ERBB4: variants seen among roughly 807,000 people sequenced by gnomAD.
The protein encoded by ERBB4 is receptor tyrosine-protein kinase erbB-4.
A neutral mutation model predicts 158.0 loss-of-function variants in ERBB4; 42 were observed. The ratio of observed to expected loss-of-function variants is 0.27; its 90% CI spans 0.21 to 0.34. ERBB4 has a LOEUF of 0.34. Among genes scored for constraint, ERBB4 ranks in the 10% least tolerant of loss-of-function variants. ERBB4 has a pLI of 1.00. For synonymous variants in ERBB4, 583 were observed against 558.7 expected (o/e 1.04, Z -0.61); for missense variants, 1,333 against 1,624.1 (o/e 0.82, Z 3.08).
At chr2:211,737,890 T>A (rs1236489830) in intron 5 of ERBB4, among the ~76,000 whole-genome samples, 1 of 152,126 alleles carries the variant, frequency 6.6e-6, no homozygotes, top group African/African-American at 2.4e-5. Flanking sequence ...TATTATTTTT[T>A]AAAGCTCTAT....
chr2:212,055,204 C>T (rs981893748), intron 2 of ERBB4, among the ~76,000 whole-genome samples: 3 of 152,184 alleles, frequency 2.0e-5, no homozygotes, highest in Non-Finnish European at 2.9e-5. Flanking sequence ...TCATTGCTAG[C>T]ACAGCAGTCT....
intron 1 of ERBB4, among the ~76,000 whole-genome samples, chr2:212,160,518 G>A (rs912999745): frequency 2.0e-5 from 3 of 151,864 alleles, no homozygotes; most frequent in Admixed American, 1.3e-4. Flanking sequence ...CAGTGTGAAT[G>A]AAAACAATGA....
At chr2:211,542,812 C>A (rs997288689) in intron 20 of ERBB4, among the ~76,000 whole-genome samples, 1 of 151,892 alleles carries the variant, frequency 6.6e-6, no homozygotes, top group Non-Finnish European at 1.5e-5. Context: ...GGAGTGATTT[C>A]TTTGGAGTTC....
intron 1 of ERBB4, among the ~76,000 whole-genome samples, chr2:212,506,305 A>G (rs1691192724): frequency 6.7e-6 from 1 of 148,600 alleles, no homozygotes; most frequent in African/African-American, 2.4e-5. Flanking sequence ...AATTAGGCCA[A>G]TTAATAACCA....
chr2:212,126,432 G>A lies in ERBB4; in HGVS notation c.83-1529C>T, dbSNP rs574253086. 2.4e-5 allele frequency among the ~76,000 whole-genome samples: 3 copies of A among 126,634 alleles called. No individual in the cohort carries two copies. In the South Asian group the frequency reaches 7.6e-4, roughly 32 times the overall value. The allele number at this position is 126,634 out of a possible 152,430, so 83.1% of individuals were successfully genotyped here. A position where few individuals can be genotyped will look rare whatever the true frequency, so the allele number is the denominator to read the frequency against. ...CCAAGATCATGCCACTGCACTCCTA[G>A]CCTGAGCAACAGAGTGAGACTCTGT... On this transcript the variant is annotated intron_variant, in intron 1 of 27. Transcript: ENST00000342788.
chr2:212,102,022 C>T (rs547067379), intron 2 of ERBB4, among the ~76,000 whole-genome samples: 2 of 147,026 alleles, frequency 1.4e-5, no homozygotes, highest in African/African-American at 4.9e-5. Flanking sequence ...GTGGGTAGAA[C>T]TCTTTCCCTT....
rs151042332 is a variant in ERBB4, at chr2:211,722,439, G to A, written c.837C>T (p.Phe279=). ...NPTTFQLEHN[F]NAKYTYGAFC... is the part of the protein sequence containing the mutation. ...ATGCTCCATATGTGTACTTTGCATT[G>A]AAATTGTGCTCCAGTTGAAAGGTGG... The change falls in exon 7 of 28, where the codon TTC becomes TTT. Residue 279 remains phenylalanine (F), a synonymous_variant. Transcript: ENST00000342788. The A allele has an allele frequency of 2.0e-4, 323 of 1,613,648 alleles. 1 individual carries two copies. Among genetic ancestry groups the A allele is most frequent in the Non-Finnish European group, 2.2e-4 (260 of 1,179,752 alleles).
At chr2:212,387,678 A>T (rs1294523264) in intron 1 of ERBB4, among the ~76,000 whole-genome samples, 1 of 152,114 alleles carries the variant, frequency 6.6e-6, no homozygotes, top group Non-Finnish European at 1.5e-5. Context: ...TTGGCCTCCC[A>T]AAGTGCTGGG....
At chr2:212,077,220 T>C (rs980831273) in intron 2 of ERBB4, among the ~76,000 whole-genome samples, 1 of 151,968 alleles carries the variant, frequency 6.6e-6, no homozygotes, top group Non-Finnish European at 1.5e-5. Flanking sequence ...GGGGCAAAAT[T>C]ATCATTATCT....
At chr2:212,301,248 T>G (rs1169208476) in intron 1 of ERBB4, among the ~76,000 whole-genome samples, 5 of 151,336 alleles carry the variant, frequency 3.3e-5, no homozygotes, top group African/African-American at 1.2e-4. Flanking sequence ...TCCCCAGATA[T>G]TATATTATCG....
At chr2:211,657,442 G>A (rs2071258531) in intron 16 of ERBB4, among the ~76,000 whole-genome samples, 1 of 151,624 alleles carries the variant, frequency 6.6e-6, no homozygotes, top group East Asian at 1.9e-4. Context: ...CCAGGAGGTG[G>A]AGGTTGCAGT....
At chr2:211,787,921 G>T in intron 4 of ERBB4, 104 bp downstream of exon 4, 1 of 1,100,040 alleles carries the variant, frequency 9.1e-7, no homozygotes, top group Non-Finnish European at 1.4e-6. Context: ...TTCAATGAAT[G>T]CAATCAAAGT....
At chr2:211,629,188 T>C (rs1369287433) in intron 17 of ERBB4, among the ~76,000 whole-genome samples, 1 of 152,166 alleles carries the variant, frequency 6.6e-6, no homozygotes, top group African/African-American at 2.4e-5. Context: ...GATAGGCAAC[T>C]TCAGCAAAGT....
intron 3 of ERBB4, among the ~76,000 whole-genome samples, chr2:211,810,639 T>TGG (rs1398897644): frequency 6.6e-6 from 1 of 151,692 alleles, no homozygotes; most frequent in Non-Finnish European, 1.5e-5. Context: ...TCTTGACTCT[T>TGG]TATCCAATTT....
At chr2:211,772,840 T>C (rs868125753) in intron 4 of ERBB4, among the ~76,000 whole-genome samples, 2,045 of 50,630 alleles carry the variant, frequency 0.04, 122 homozygotes, top group South Asian at 0.044. Flanking sequence ...TATATACACA[T>C]ATATATATAT....
In ERBB4 at chr2:211,379,313, C is replaced by T. The variant is rs2062534802; in HGVS notation, c.*4302G>A. Reference sequence around the variant, plus strand: ...AAGACCCTTACTTAGTCATATGTAACATGTTTGCCTATTAAATTCTGCAAG... The same window carrying T: ...AAGACCCTTACTTAGTCATATGTAATATGTTTGCCTATTAAATTCTGCAAG... On this transcript the variant is annotated 3_prime_UTR_variant, in exon 28 of 28. Coordinates refer to ENST00000342788, the MANE Select transcript of ERBB4 (RefSeq NM_005235.3). 2 of 226,318 alleles carry T rather than the reference C, an allele frequency of 8.8e-6. No individual in the cohort carries two copies. The highest frequency in any genetic ancestry group is 6.4e-5 in the East Asian group (1 of 15,712). The allele number at this position is 226,318 out of a possible 1,614,324, so 14.0% of individuals were successfully genotyped here.
intron 27 of ERBB4, among the ~76,000 whole-genome samples, chr2:211,385,128 C>T (rs1190935603): frequency 6.6e-6 from 1 of 151,948 alleles, no homozygotes; most frequent in Non-Finnish European, 1.5e-5. Context: ...ATCCTTAGCC[C>T]AATAAGTAGA....
At chr2:211,480,384 C>T (rs879677126) in intron 20 of ERBB4, among the ~76,000 whole-genome samples, 1 of 152,148 alleles carries the variant, frequency 6.6e-6, no homozygotes, top group Non-Finnish European at 1.5e-5. Context: ...ACAAATTTCT[C>T]ACTTACTGTT....
At chr2:211,836,924 A>G (rs2077356443) in intron 3 of ERBB4, among the ~76,000 whole-genome samples, 1 of 152,070 alleles carries the variant, frequency 6.6e-6, no homozygotes, top group African/African-American at 2.4e-5. Context: ...CAAATAGTTA[A>G]GTACAGTAGA....
Sources: gnomAD v4.1 joint callset for allele counts (sites outside exome capture counted in the v4.1 genomes callset) on GRCh38, gnomAD v4.1.1 for gene constraint, MANE v1.5 for transcripts, NCBI Gene and HGNC (gene_info 2026-07-23, HGNC 2026-07-21) for gene names.